TBRG1: variants seen among roughly 807,000 people sequenced by gnomAD.
The protein encoded by TBRG1 is nuclear interactor of ARF and MDM2.
Under a neutral mutation model 44.0 loss-of-function variants are expected in TBRG1, and 31 were observed. The observed-to-expected ratio is 0.70, with a 90% CI of 0.53 to 0.95. The LOEUF is 0.95. Among genes scored for constraint, TBRG1 ranks in the 40% least tolerant of loss-of-function variants. TBRG1 has a pLI of 0.00. For synonymous variants in TBRG1, 171 were observed against 188.1 expected, an observed-to-expected ratio of 0.91 and a Z score of 0.74; for missense variants, 487 against 496.1, an observed-to-expected ratio of 0.98 and a Z score of 0.18.
intron 5 of TBRG1, among the ~76,000 whole-genome samples, chr11:124,628,092 TATATATATATATATATATATATATAC>T (rs1382344692): frequency 1.4e-3 from 131 of 94,736 alleles, no homozygotes; most frequent in Non-Finnish European, 1.7e-3. Flanking sequence ...TATATATATA[TATATATATATATATATATATATATAC>T]ACACACACAC....
chr11:124,623,243 A>T lies in TBRG1; in HGVS notation c.150+10A>T, dbSNP rs914783667. 7.1e-6 allele frequency: 11 copies of T among 1,551,242 alleles called. No individual in the cohort carries two copies. The Admixed American group carries it at 1.8e-4, about 25-fold the overall frequency. On this transcript the variant is annotated intron_variant, in intron 1 of 8. Coordinates refer to ENST00000441174, the MANE Select transcript of TBRG1 (RefSeq NM_032811.3). The stretch of plus-strand genomic sequence containing the variant: ...CAAGGCCACGGTGTTTGTGAGTCTG[A>T]CCCACGTTCAGCCGGTCCCCTCCTG...
chr11:124,626,060 AT>A (rs1221574985), intron 3 of TBRG1, among the ~76,000 whole-genome samples, 157 bp downstream of exon 3: 1 of 152,144 alleles, frequency 6.6e-6, no homozygotes, highest in African/African-American at 2.4e-5. Flanking sequence ...CAAATGTCAA[AT>A]GTATTAGAGC....
At chr11:124,628,063 TTTTA>T (rs1420639859) in intron 5 of TBRG1, among the ~76,000 whole-genome samples, 2 of 89,072 alleles carry the variant, frequency 2.2e-5, no homozygotes, top group Non-Finnish European at 4.3e-5. Context: ...CAAGTAGCTG[TTTTA>T]TATATATATA....
In TBRG1 at chr11:124,634,702, C is replaced by T. The variant is rs956031632; in HGVS notation, c.*2464C>T. On this transcript the variant is annotated 3_prime_UTR_variant, in exon 9 of 9. Coordinates refer to ENST00000441174, the MANE Select transcript of TBRG1 (RefSeq NM_032811.3). ...AATTGGTTAAATAAAATGAGGCTTC[C>T]ACAAACTGAAACACTCTAAATCTAT... The T allele has an allele frequency of 2.0e-5, 3 of 151,978 alleles. No homozygotes were observed. The highest frequency in any genetic ancestry group is 4.4e-5 in the Non-Finnish European group (3 of 68,002). The allele number at this position is 151,978 out of a possible 1,614,324, so 9.4% of individuals were successfully genotyped here. A position where few individuals can be genotyped will look rare whatever the true frequency, so the allele number is the denominator to read the frequency against.
At position 124,632,595 on chromosome 11, in the gene TBRG1, T is replaced by G. The variant is rs1942639356; in HGVS notation, c.*357T>G. The G allele has an allele frequency of 5.7e-6, 1 of 174,416 alleles. No homozygotes were observed. The highest frequency in any genetic ancestry group is 2.4e-5 in the African/African-American group (1 of 41,644). 10.8% of individuals were successfully genotyped at this position (174,416 alleles called of 1,614,324 possible). A position where few individuals can be genotyped will look rare whatever the true frequency, so the allele number is the denominator to read the frequency against. On this transcript the variant is annotated 3_prime_UTR_variant, in exon 9 of 9. Transcript: ENST00000441174. ...AGGTTGGTTTATAAATAACATGAAT[T>G]TATTTCTCACAGTTCTGGATGCTGG...
chr11:124,626,147 A>G (rs113613278), intron 3 of TBRG1, among the ~76,000 whole-genome samples: 5 of 152,088 alleles, frequency 3.3e-5, no homozygotes, highest in African/African-American at 1.2e-4. Context: ...CCTTCCCCCA[A>G]CTCTCTGGGT....
intron 5 of TBRG1, among the ~76,000 whole-genome samples, chr11:124,628,104 TATATATATATATACACAC>T (rs1422972380): frequency 1.3e-3 from 70 of 52,050 alleles, no homozygotes; most frequent in African/African-American, 6.7e-3. Flanking sequence ...TATATATATA[TATATATATATATACACAC>T]ACACACACAC....
At chr11:124,623,436 T>C in intron 1 of TBRG1, 1 of 694,386 alleles carries the variant, frequency 1.4e-6, no homozygotes, top group Non-Finnish European at 2.6e-6. Flanking sequence ...GTAACTGTCT[T>C]GCAGAATAAT....
In TBRG1 at chr11:124,623,121, C is replaced by T. The variant is rs1354492369; in HGVS notation, c.38C>T (p.Ala13Val). Residue 13 changes from alanine to valine, a missense_variant, in exon 1 of 9, where the codon GCT becomes GTT. Ala to Val is a moderately conservative substitution (Grantham distance 64). Coordinates refer to ENST00000441174, the MANE Select transcript of TBRG1 (RefSeq NM_032811.3). ...LLDGLASSPR[A>V]PLQSSKARMK... ...GACGGCCTCGCTTCCTCGCCGCGGG[C>T]TCCGCTGCAGTCCAGCAAGGCCAGG... 1.3e-6 allele frequency: 2 copies of T among 1,551,164 alleles called. No individual in the cohort carries two copies. The highest frequency in any genetic ancestry group is 1.7e-6 in the Non-Finnish European group (2 of 1,146,962).
At chr11:124,626,343 C>A in intron 3 of TBRG1, 130 bp from the exon 4 acceptor site, 1 of 851,838 alleles carries the variant, frequency 1.2e-6, no homozygotes. Context: ...GGCGAAAGCC[C>A]CATATGCCCA....
At chr11:124,628,104 TATATATATATATACAC>T (rs1405985220) in intron 5 of TBRG1, among the ~76,000 whole-genome samples, 4 of 52,088 alleles carry the variant, frequency 7.7e-5, no homozygotes, top group Non-Finnish European at 1.1e-4. Context: ...TATATATATA[TATATATATATATACAC>T]ACACACACAC....
rs958673040 is a variant in TBRG1 at position 124,632,621 on chromosome 11, G to A, written c.*383G>A. The A allele has an allele frequency of 2.4e-5, 4 of 165,798 alleles. No individual in the cohort carries two copies. Among genetic ancestry groups the A allele is most frequent in the African/African-American group, 9.6e-5 (4 of 41,518 alleles). The allele number at this position is 165,798 out of a possible 1,614,324, so 10.3% of individuals were successfully genotyped here. ...TATTTCTCACAGTTCTGGATGCTGG[G>A]AAGTCCAAGTTCAAGGAGCGCAGAT... On this transcript the variant is annotated 3_prime_UTR_variant, in exon 9 of 9. Transcript: ENST00000441174.
chr11:124,629,647 G>A (rs1353334359), intron 5 of TBRG1, among the ~76,000 whole-genome samples: 5 of 152,240 alleles, frequency 3.3e-5, no homozygotes, highest in East Asian at 3.9e-4. Flanking sequence ...AGTAGTGCTC[G>A]ATATCATTCT....
At chr11:124,626,050 CA>C in intron 3 of TBRG1, 147 bp downstream of exon 3, 1 of 1,190,766 alleles carries the variant, frequency 8.4e-7, no homozygotes, top group Non-Finnish European at 1.1e-6. Context: ...CTTGAGAAAA[CA>C]AATGTCAAAT....
rs897608937 is a variant in TBRG1 at position 124,635,074 on chromosome 11, T to C, written c.*2836T>C. ...TGCCTGAACCGTATTTTTCACACTA[T>C]GTACTCTAGGTTCCTGGAGGTGAAA... On this transcript the variant is annotated 3_prime_UTR_variant, in exon 9 of 9. Coordinates refer to ENST00000441174, the MANE Select transcript of TBRG1 (RefSeq NM_032811.3). 6.6e-6 allele frequency: 1 copy of C among 152,234 alleles called. No individual in the cohort carries two copies. Among genetic ancestry groups the C allele is most frequent in the African/African-American group, 2.4e-5 (1 of 41,452 alleles). The allele number at this position is 152,234 out of a possible 1,614,324, so 9.4% of individuals were successfully genotyped here.
In TBRG1 at chr11:124,634,782, C is replaced by CA. The variant is rs1225423810; in HGVS notation, c.*2545dup. 6 of 152,198 alleles carry CA rather than the reference C, an allele frequency of 3.9e-5. No individual in the cohort carries two copies. In the East Asian group the frequency reaches 7.7e-4, roughly 20 times the overall value. 9.4% of individuals were successfully genotyped at this position (152,198 alleles called of 1,614,324 possible). ...TGGTAAAGTAAGTAAGTCAAAAACA[C>CA]AGATTACAAAATAATATGTACTGTA... On this transcript the variant is annotated 3_prime_UTR_variant, in exon 9 of 9. Transcript: ENST00000441174.
intron 7 of TBRG1, 164 bp from the exon 8 acceptor site, chr11:124,631,111 A>T: frequency 1.4e-6 from 1 of 709,048 alleles, no homozygotes. Context: ...CTAATTTGTC[A>T]CTAAAGAGGC....
chr11:124,625,644 C>T (rs1942451124), intron 2 of TBRG1, 27 bp from the exon 3 acceptor site: 1 of 1,542,452 alleles, frequency 6.5e-7, no homozygotes, highest in South Asian at 1.2e-5. Flanking sequence ...AAGTTCATTT[C>T]TCTGCTCCTT....
chr11:124,628,523 TAAAA>T (rs201184255), intron 5 of TBRG1, among the ~76,000 whole-genome samples: 4 of 123,332 alleles, frequency 3.2e-5, no homozygotes, highest in Middle Eastern at 4.0e-3. Context: ...AAAGCAATAT[TAAAA>T]AAAAAAAAAA....
Sources: allele counts gnomAD v4.1 joint callset (sites outside exome capture counted in the v4.1 genomes callset), GRCh38; gene constraint gnomAD v4.1.1; transcripts MANE v1.5; gene names NCBI Gene and HGNC (gene_info 2026-07-23, HGNC 2026-07-21).